The following SHISA9 variants were observed in gnomAD, a reference collection of about 807,000 sequenced individuals.
SHISA9 encodes the protein protein shisa-9.
A neutral mutation model predicts 38.0 loss-of-function variants in SHISA9; 13 were observed. The ratio of observed to expected loss-of-function variants is 0.34; its 90% CI spans 0.22 to 0.54. The LOEUF is 0.54. Ranked by LOEUF, SHISA9 falls within the 20% of genes least tolerant of loss-of-function variation. The pLI, the probability that SHISA9 is intolerant of heterozygous loss-of-function variation, is 0.91. For missense variants in SHISA9, 538 were observed against 575.8 expected (o/e 0.93, Z 0.67); for synonymous variants, 275 against 242.0 (o/e 1.14, Z -1.27).
At chr16:13,412,788 C>T in the SHISA9 span, among the ~76,000 whole-genome samples, 13 of 152,174 alleles carry the variant, frequency 8.5e-5, no homozygotes, top group South Asian at 2.7e-3. Flanking sequence ...GCCCGGGAGG[C>T]AGAGGTTGCA....
intron 2 of SHISA9, among the ~76,000 whole-genome samples, chr16:13,187,053 C>T (rs566686467): frequency 1.1e-4 from 17 of 152,300 alleles, no homozygotes; most frequent in African/African-American, 3.1e-4. Context: ...AATACCACTT[C>T]GAGATACTGC....
intron 2 of SHISA9, among the ~76,000 whole-genome samples, chr16:12,962,775 A>G (rs2071927863): frequency 6.6e-6 from 1 of 152,222 alleles, no homozygotes; most frequent in Admixed American, 6.5e-5. Flanking sequence ...AAGACAGCAT[A>G]CATTTCCCCT....
At chr16:13,287,275 T>C in the SHISA9 span, among the ~76,000 whole-genome samples, 1 of 152,144 alleles carries the variant, frequency 6.6e-6, no homozygotes, top group Non-Finnish European at 1.5e-5. Context: ...TGAGAATGTG[T>C]TCAGTTTTGG....
chr16:13,286,500 A>G, the SHISA9 span, among the ~76,000 whole-genome samples: 2 of 152,328 alleles, frequency 1.3e-5, no homozygotes, highest in East Asian at 3.9e-4. Context: ...ACAGGCATAC[A>G]GCTCTGAGTG....
At chr16:13,379,660 C>T in the SHISA9 span, among the ~76,000 whole-genome samples, 1 of 152,154 alleles carries the variant, frequency 6.6e-6, no homozygotes, top group Non-Finnish European at 1.5e-5. Context: ...TGCCTGAATC[C>T]TGGTAGGCAC....
At chr16:13,199,098 T>A (rs180868810) in intron 2 of SHISA9, among the ~76,000 whole-genome samples, 18 of 152,328 alleles carry the variant, frequency 1.2e-4, no homozygotes, top group Admixed American at 5.9e-4. Flanking sequence ...TAACGAAGTG[T>A]TTAGTATTTT....
intron 2 of SHISA9, among the ~76,000 whole-genome samples, chr16:13,145,040 T>C (rs150063): frequency 0.7 from 106,921 of 152,124 alleles, 39,038 homozygotes; most frequent in South Asian, 0.86. Context: ...TGACAATGTT[T>C]CTTCGACCCT....
chr16:13,275,470 A>G, the SHISA9 span, among the ~76,000 whole-genome samples: 38,961 of 152,012 alleles, frequency 0.26, 5,258 homozygotes, highest in Non-Finnish European at 0.3. Context: ...ATAATATATT[A>G]TCAAATGTAT....
rs145316811 is a variant in SHISA9, at chr16:13,079,500, G to C, written c.692-123894G>C. On this transcript the variant is annotated intron_variant, in intron 2 of 4. Coordinates refer to ENST00000558583, the MANE Select transcript of SHISA9 (RefSeq NM_001145204.3). ...AACATGAAACCCATTATACTGTTAA[G>C]TGATTTGCGCTGTGCAATTAGCAAA... 5.8e-3 allele frequency among the ~76,000 whole-genome samples: 876 copies of C among 152,304 alleles called. 9 individuals are homozygous for C. The highest frequency in any genetic ancestry group is 0.02 in the African/African-American group (832 of 41,574).
the SHISA9 span, among the ~76,000 whole-genome samples, chr16:13,453,312 C>T: frequency 1.3e-5 from 2 of 152,160 alleles, no homozygotes; most frequent in Non-Finnish European, 2.9e-5. Context: ...CATTCATGAC[C>T]CCAATTAATG....
intron 2 of SHISA9, among the ~76,000 whole-genome samples, chr16:13,153,542 A>T (rs535989042): frequency 6.6e-6 from 1 of 152,186 alleles, no homozygotes. Context: ...TGGAACTCCA[A>T]TGTGGGATTT....
At chr16:12,958,155 T>C (rs1370268724) in intron 2 of SHISA9, among the ~76,000 whole-genome samples, 2 of 152,258 alleles carry the variant, frequency 1.3e-5, no homozygotes, top group Non-Finnish European at 1.5e-5. Flanking sequence ...CTTCTGTGAA[T>C]CTCCTGTAGG....
intron 2 of SHISA9, among the ~76,000 whole-genome samples, chr16:12,965,947 C>T (rs2071972546): frequency 6.6e-6 from 1 of 152,182 alleles, no homozygotes; most frequent in Admixed American, 6.5e-5. Context: ...TTTTCTTAAC[C>T]TCATACTTCA....
At chr16:13,080,143 G>T (rs1416052197) in intron 2 of SHISA9, among the ~76,000 whole-genome samples, 1 of 152,152 alleles carries the variant, frequency 6.6e-6, no homozygotes, top group Non-Finnish European at 1.5e-5. Context: ...GGAGGCCGAG[G>T]CAGGAGGATC....
At chr16:13,026,096 C>T (rs555706966) in intron 2 of SHISA9, among the ~76,000 whole-genome samples, 9 of 152,300 alleles carry the variant, frequency 5.9e-5, no homozygotes, top group South Asian at 4.2e-4. Flanking sequence ...TGAGCCACCG[C>T]GCCCACCTTA....
chr16:13,027,933 C>CAAAAAAAA (rs1240201539), intron 2 of SHISA9, among the ~76,000 whole-genome samples: 21 of 103,564 alleles, frequency 2.0e-4, no homozygotes, highest in African/African-American at 6.9e-4. Flanking sequence ...GTCTCAAAAA[C>CAAAAAAAA]AAAAAAAAAA....
chr16:13,156,204 C>G (rs1016099152), intron 2 of SHISA9, among the ~76,000 whole-genome samples: 1 of 152,102 alleles, frequency 6.6e-6, no homozygotes. Flanking sequence ...CGGTGCTTAC[C>G]TAATAGAAAA....
At chr16:13,210,218 A>T (rs753610503) in intron 3 of SHISA9, among the ~76,000 whole-genome samples, 1 of 152,308 alleles carries the variant, frequency 6.6e-6, no homozygotes, top group East Asian at 1.9e-4. Flanking sequence ...TGGGCTTTGC[A>T]AACAGAAAGT....
chr16:12,987,869 C>A (rs905306875), intron 2 of SHISA9, among the ~76,000 whole-genome samples: 6 of 152,166 alleles, frequency 3.9e-5, no homozygotes, highest in African/African-American at 1.4e-4. Context: ...GTAGAGGCGG[C>A]AATGGAGGCT....
Sources: allele counts gnomAD v4.1 joint callset (sites outside exome capture counted in the v4.1 genomes callset), GRCh38; gene constraint gnomAD v4.1.1; transcripts MANE v1.5; gene names NCBI Gene and HGNC (gene_info 2026-07-23, HGNC 2026-07-21).